The following A2ML1 variants were observed in gnomAD, a reference collection of about 807,000 sequenced individuals.
A2ML1 encodes the protein alpha-2-macroglobulin like 1.
Under a neutral mutation model 181.9 loss-of-function variants are expected in A2ML1, and 161 were observed. The observed-to-expected ratio is 0.89, with a 90% CI of 0.78 to 1.01. The LOEUF (loss-of-function observed/expected upper bound fraction) is 1.01. A2ML1 is among the 50% of genes least tolerant of loss of function. The pLI is 0.00. For synonymous variants in A2ML1, 663 were observed against 666.8 expected (o/e 0.99, Z 0.09); for missense variants, 1,670 against 1,768.1 (o/e 0.94, Z 1.00).
In A2ML1 at chr12:8,867,945, G is replaced by A. The variant is rs199517408; in HGVS notation, c.3821G>A (p.Arg1274His). The A allele has an allele frequency of 6.8e-5, 110 of 1,614,054 alleles. No individual in the cohort carries two copies. The highest frequency in any genetic ancestry group is 8.5e-5 in the Non-Finnish European group (100 of 1,180,050). ...GTAAAATCCACTGAGAATTTCCAGC[G>A]CACATTCAACATACAGTCAGTTAAC... is the stretch of plus-strand genomic sequence containing the variant. ...LVVKSTENFQ[R>H]TFNIQSVNRL... is the part of the protein sequence containing the mutation. The change falls in exon 30 of 36, where the codon CGC becomes CAC. Residue 1274 changes from arginine to histidine, a missense_variant. Transcript: ENST00000299698.
chr12:8,837,907 A>G (rs907496378), intron 8 of A2ML1, among the ~76,000 whole-genome samples: 1 of 151,680 alleles, frequency 6.6e-6, no homozygotes, highest in Non-Finnish European at 1.5e-5. Context: ...AAAAAAAAAA[A>G]AAGAACGTAT....
chr12:8,857,532 A>G lies in A2ML1; in HGVS notation c.3051A>G (p.Lys1017=). 2 of 1,612,214 alleles carry G rather than the reference A, an allele frequency of 1.2e-6. No homozygotes were observed. Among genetic ancestry groups the G allele is most frequent in the Non-Finnish European group, 1.7e-6 (2 of 1,179,392 alleles). The change falls in exon 25 of 36, where the codon AAA becomes AAG. Residue 1017 remains lysine, a synonymous_variant. Transcript: ENST00000299698. ...GGTACCAGAAGGAGCTGATGTACAA[A>G]CACAGCAATGGCTCATACAGTGCCT... ...EIGYQKELMY[K]HSNGSYSAFG... is the part of the protein sequence containing the mutation.
At chr12:8,829,027 G>A (rs1011547005) in intron 3 of A2ML1, among the ~76,000 whole-genome samples, 6 of 152,242 alleles carry the variant, frequency 3.9e-5, no homozygotes, top group African/African-American at 1.4e-4. Flanking sequence ...GGGGATGGCG[G>A]GGAGGGGGTG....
At chr12:8,883,864 C>T (rs1455278537) in intron 7 of A2ML1, among the ~76,000 whole-genome samples, 1 of 152,036 alleles carries the variant, frequency 6.6e-6, no homozygotes, top group Non-Finnish European at 1.5e-5. Flanking sequence ...TGGCTCACTG[C>T]AACCTCTGCC....
intron 5 of A2ML1, 103 bp from the exon 6 acceptor site, chr12:8,835,404 T>C (rs1246684914): frequency 1.4e-5 from 20 of 1,425,258 alleles, no homozygotes; most frequent in Admixed American, 1.8e-5. Flanking sequence ...TCATGAACAA[T>C]GGGTGGGGTT....
rs370847561 is a variant in A2ML1, at chr12:8,835,506, G to A, written c.484-1G>A. 4 of 1,614,016 alleles carry A rather than the reference G, an allele frequency of 2.5e-6. No individual in the cohort carries two copies. Among genetic ancestry groups the A allele is most frequent in the Non-Finnish European group, 2.5e-6 (3 of 1,179,934 alleles). On this transcript the variant is annotated splice_acceptor_variant, in intron 5 of 35. Coordinates refer to ENST00000299698, the MANE Select transcript of A2ML1 (RefSeq NM_144670.6). LOFTEE classifies it high-confidence loss of function. ...CATCATGCAGTTTCTCTATTGGACA[G>A]GATCCAAATAGCAACAGGATTGCAC...
chr12:8,838,037 T>C (rs148312848), intron 8 of A2ML1, among the ~76,000 whole-genome samples: 4 of 152,328 alleles, frequency 2.6e-5, no homozygotes, highest in African/African-American at 9.6e-5. Context: ...ATCTTTATCC[T>C]AAACAGGGAG....
chr12:8,881,739 T>C (rs1025490563), downstream of A2ML1, among the ~76,000 whole-genome samples: 2 of 152,126 alleles, frequency 1.3e-5, no homozygotes, highest in Non-Finnish European at 2.9e-5. Context: ...TGGCTGGGTG[T>C]GGTGGCTCAC....
Position 8,850,252 on chromosome 12 carries a change from C to T in A2ML1, c.2212C>T (p.Leu738Phe). 6.2e-7 allele frequency: 1 copy of T among 1,612,910 alleles called. No homozygotes were observed. Among genetic ancestry groups the T allele is most frequent in the Non-Finnish European group, 8.5e-7 (1 of 1,179,640 alleles). ...CCGCCAGTACTTCCCAGAGACCTGG[C>T]TCTGGGATCTGTTTCCTATTGGGTA... Reference protein sequence around the residue: ...QVRQYFPETWLWDLFPIGNSG... With the variant: ...QVRQYFPETWFWDLFPIGNSG... The change falls in exon 18 of 36, where the codon CTC becomes TTC. Residue 738 changes from leucine (L) to phenylalanine (F), a missense_variant. Leu to Phe is a conservative substitution (Grantham distance 22, BLOSUM62 0). Transcript: ENST00000299698.
At chr12:8,885,456 TA>T (rs201675584) in intron 7 of A2ML1, among the ~76,000 whole-genome samples, 1,550 of 152,280 alleles carry the variant, frequency 0.01, 30 homozygotes, top group African/African-American at 0.036. Context: ...TATTTTATTT[TA>T]TTTTTTTTAG....
chr12:8,823,047 G>A, intron 1 of A2ML1, 135 bp from the exon 2 acceptor site: 1 of 894,280 alleles, frequency 1.1e-6, no homozygotes, highest in Non-Finnish European at 1.7e-6. Context: ...GCTTCTTGTA[G>A]AAAATGAGGT....
chr12:8,845,702 T>A (rs1943648218), intron 13 of A2ML1, among the ~76,000 whole-genome samples, 200 bp downstream of exon 13: 1 of 151,664 alleles, frequency 6.6e-6, no homozygotes, highest in Admixed American at 6.6e-5. Flanking sequence ...AAAAAAAAAT[T>A]AGCCGGACGT....
chr12:8,838,933 A>G (rs1410720419), intron 9 of A2ML1, among the ~76,000 whole-genome samples, 180 bp from the exon 10 acceptor site: 2 of 150,292 alleles, frequency 1.3e-5, no homozygotes, highest in African/African-American at 5.0e-5. Context: ...AAAAAAAAAA[A>G]AAAGAAGAAA....
In A2ML1 at chr12:8,852,306, C is replaced by T. The variant is rs200763256; in HGVS notation, c.2560C>T (p.His854Tyr). 355 of 1,614,132 alleles carry T rather than the reference C, an allele frequency of 2.2e-4. 1 individual carries two copies. In the African/African-American group the frequency reaches 4.1e-3, roughly 19 times the overall value. The change falls in exon 20 of 36, where the codon CAC (histidine) becomes TAC (tyrosine). Residue 854 changes from histidine to tyrosine, a missense_variant. Coordinates refer to ENST00000299698, the MANE Select transcript of A2ML1 (RefSeq NM_144670.6). This position sits in a 1 kb window ranked among gnomAD's most constrained non-coding sequence, Gnocchi z 4.2. ...SCLCADDAKT[H>Y]HWNITAVKLG... ...TCTCTGTGCTGATGACGCAAAAACC[C>T]ACCACTGGAACATCACAGCTGTCAA...
intron 3 of A2ML1, 31 bp from the exon 4 acceptor site, chr12:8,829,696 C>T (rs1425996715): frequency 1.3e-6 from 2 of 1,599,058 alleles, no homozygotes; most frequent in Non-Finnish European, 1.7e-6. Flanking sequence ...AGGAAACATC[C>T]CCTTTGCTAA....
At chr12:8,849,628 G>A (rs1267830337) in intron 16 of A2ML1, 41 bp from the exon 17 acceptor site, 5 of 1,533,910 alleles carry the variant, frequency 3.3e-6, no homozygotes, top group Non-Finnish European at 4.5e-6. Context: ...TGTAGTTGGG[G>A]AAGGGACCAC....
chr12:8,867,564 T>A (rs977031946), intron 29 of A2ML1, among the ~76,000 whole-genome samples: 1 of 152,116 alleles, frequency 6.6e-6, no homozygotes, highest in African/African-American at 2.4e-5. Context: ...GGAGAATCAC[T>A]TGAACCCAGG....
chr12:8,869,425 G>A (rs1944546226), intron 33 of A2ML1, among the ~76,000 whole-genome samples: 1 of 149,706 alleles, frequency 6.7e-6, no homozygotes, highest in Non-Finnish European at 1.5e-5. Context: ...AGCCGTTTAC[G>A]ACATTTGAAG....
chr12:8,857,456 G>T lies in A2ML1; in HGVS notation c.3026-51G>T, dbSNP rs182271970. Reference sequence around the variant, plus strand: ...GTCCCATATCCTTGAACGGCATGGGGGTGTTTTCTGAAGTTGTCGCTGTGA... The same window carrying T: ...GTCCCATATCCTTGAACGGCATGGGTGTGTTTTCTGAAGTTGTCGCTGTGA... On this transcript the variant is annotated intron_variant, in intron 24 of 35. Transcript: ENST00000299698. 5.6e-4 allele frequency: 894 copies of T among 1,608,746 alleles called. 8 individuals are homozygous for T. In the Admixed American group the frequency reaches 0.011, roughly 19 times the overall value.
Sources: allele counts gnomAD v4.1 joint callset (sites outside exome capture counted in the v4.1 genomes callset), GRCh38; gene constraint gnomAD v4.1.1; non-coding constraint Gnocchi (gnomAD v3.1); transcripts MANE v1.5; gene names NCBI Gene and HGNC (gene_info 2026-07-23, HGNC 2026-07-21).